The following DMD variants were observed in gnomAD, a reference collection of about 807,000 sequenced individuals.
The protein encoded by DMD is dystrophin.
Under a neutral mutation model 330.1 loss-of-function variants are expected in DMD, and 63 were observed. The observed-to-expected ratio is 0.19, with a 90% CI of 0.16 to 0.24. The LOEUF (loss-of-function observed/expected upper bound fraction) is 0.24. Among genes scored for constraint, DMD ranks in the 10% least tolerant of loss-of-function variants. The pLI is 1.00. For synonymous variants in DMD, 1,223 were observed against 959.8 expected, an observed-to-expected ratio of 1.27 and a Z score of -5.07; for missense variants, 3,344 against 2,684.1, an observed-to-expected ratio of 1.25 and a Z score of -5.43.
At chrX:32,190,275 A>G (rs772787740) in intron 44 of DMD, among the ~76,000 whole-genome samples, 1 of 110,080 alleles carries the variant, frequency 9.1e-6, no homozygotes, top group South Asian at 3.9e-4. Flanking sequence ...ACGTTTACAC[A>G]TGCAACTAAT....
intron 1 of DMD, among the ~76,000 whole-genome samples, chrX:33,144,979 T>C (rs2047957592): frequency 8.9e-6 from 1 of 112,035 alleles, no homozygotes; most frequent in Non-Finnish European, 1.9e-5. Flanking sequence ...CTTACCAAGT[T>C]GAAATACGTT....
chrX:32,564,603 TTGTG>T (rs1292904109), intron 16 of DMD, among the ~76,000 whole-genome samples: 1 of 112,233 alleles, frequency 8.9e-6, no homozygotes, highest in Non-Finnish European at 1.9e-5. Flanking sequence ...TATGTAATGA[TTGTG>T]TGGGAAATTA....
At chrX:33,323,232 C>T (rs1348632452) in intron 1 of DMD, among the ~76,000 whole-genome samples, 2 of 111,796 alleles carry the variant, frequency 1.8e-5, no homozygotes, top group African/African-American at 3.2e-5. Flanking sequence ...ACATCTAATA[C>T]TGGTTGGATG....
intron 2 of DMD, among the ~76,000 whole-genome samples, chrX:32,952,643 C>T (rs1362628527): frequency 8.9e-6 from 1 of 111,938 alleles, no homozygotes; most frequent in Non-Finnish European, 1.9e-5. Flanking sequence ...CCCAAATTTA[C>T]AAGTTAAGAG....
At chrX:32,829,559 CTT>C (rs767162378) in intron 4 of DMD, among the ~76,000 whole-genome samples, 64 of 111,794 alleles carry the variant, frequency 5.7e-4, no homozygotes, top group African/African-American at 2.0e-3. Context: ...CAAGAGCTCA[CTT>C]TTGAATGGAT....
intron 38 of DMD, among the ~76,000 whole-genome samples, chrX:32,347,878 T>A (rs2097769252): frequency 8.9e-6 from 1 of 111,945 alleles, no homozygotes; most frequent in South Asian, 3.7e-4. Flanking sequence ...GTCATATTTC[T>A]TTACTCCCAT....
chrX:32,860,401 G>A (rs1470306954), intron 2 of DMD, among the ~76,000 whole-genome samples: 3 of 111,761 alleles, frequency 2.7e-5, no homozygotes, highest in Non-Finnish European at 3.8e-5. Context: ...CTGTCGCTAA[G>A]AAAGTCAAGA....
At chrX:32,568,532 G>T (rs1206625585) in intron 15 of DMD, among the ~76,000 whole-genome samples, 3 of 109,794 alleles carry the variant, frequency 2.7e-5, no homozygotes, top group Non-Finnish European at 3.8e-5. Context: ...ATCCAATTAG[G>T]AAAAAAGTGC....
chrX:31,332,853 A>G (rs2057207456), intron 61 of DMD, among the ~76,000 whole-genome samples: 1 of 111,946 alleles, frequency 8.9e-6, no homozygotes, highest in Non-Finnish European at 1.9e-5. Context: ...AATTATTTTC[A>G]TCATTAATGT....
chrX:32,780,463 A>C (rs1224765282), intron 7 of DMD, among the ~76,000 whole-genome samples: 3 of 112,248 alleles, frequency 2.7e-5, no homozygotes, highest in Non-Finnish European at 3.8e-5. Context: ...CTTGTATATC[A>C]AACCACAGGT....
Position 32,464,760 on chromosome X carries a change from C to T in DMD, c.3163-61G>A, listed in dbSNP as rs755300675. ...GCTGATTACTTTTAACACAATTCAT[C>T]ATTGTGTTATGTCTAAACACAGGCC... On this transcript the variant is annotated intron_variant, in intron 23 of 78. Transcript: ENST00000357033. 5.1e-5 allele frequency: 42 copies of T among 816,333 alleles called. No homozygotes were observed. In the Admixed American group the frequency reaches 5.8e-4, roughly 11 times the overall value. The allele number at this position is 816,333 out of a possible 1,213,427, so 67.3% of individuals were successfully genotyped here. A position where few individuals can be genotyped will look rare whatever the true frequency, so the allele number is the denominator to read the frequency against.
chrX:32,304,876 G>A (rs943742637), intron 42 of DMD, among the ~76,000 whole-genome samples: 15 of 111,001 alleles, frequency 1.4e-4, no homozygotes, highest in African/African-American at 3.9e-4. Context: ...TCTTTTCCAC[G>A]CATTAAACTG....
At chrX:32,321,416 A>G (rs1190148665) in intron 41 of DMD, among the ~76,000 whole-genome samples, 2 of 111,042 alleles carry the variant, frequency 1.8e-5, no homozygotes, top group East Asian at 2.9e-4. Context: ...GATGGATCTG[A>G]TGGTTTTCAA....
intron 17 of DMD, among the ~76,000 whole-genome samples, chrX:32,526,582 C>A (rs1330352213): frequency 9.0e-6 from 1 of 111,563 alleles, no homozygotes; most frequent in Non-Finnish European, 1.9e-5. Flanking sequence ...TACAAACAGA[C>A]TCAGCCTCAT....
At chrX:32,942,112 A>AGTGTGTGCGTGTGTGTTTGT (rs60820174) in intron 2 of DMD, among the ~76,000 whole-genome samples, 1 of 110,070 alleles carries the variant, frequency 9.1e-6, no homozygotes, top group Non-Finnish European at 1.9e-5. Context: ...TTGAGAAGGG[A>AGTGTGTGCGTGTGTGTTTGT]GTGTGTGCGT....
intron 2 of DMD, among the ~76,000 whole-genome samples, chrX:32,879,680 T>C (rs2083718198): frequency 9.4e-6 from 1 of 106,293 alleles, no homozygotes. Flanking sequence ...GGTAGGTTAA[T>C]GCCTGATGTT....
Position 31,207,581 on chromosome X carries a change from G to A in DMD, c.9564-914C>T, listed in dbSNP as rs958989293. ...GAATGAGATCATGTCTTTTGAACAC[G>A]GATTAGCTGGAGACTATTATCCTTA... is the stretch of plus-strand genomic sequence containing the variant. On this transcript the variant is annotated intron_variant, in intron 65 of 78. Coordinates refer to ENST00000357033, the MANE Select transcript of DMD (RefSeq NM_004006.3). Among the ~76,000 whole-genome samples, 26 of 111,715 alleles carry A rather than the reference G, an allele frequency of 2.3e-4. 1 individual carries two copies. The highest frequency in any genetic ancestry group is 8.5e-4 in the Admixed American group (9 of 10,533).
chrX:31,366,201 T>C (rs138547137), intron 60 of DMD, among the ~76,000 whole-genome samples: 2,839 of 110,666 alleles, frequency 0.026, 47 homozygotes, highest in Middle Eastern at 0.051. Flanking sequence ...GACGAAATCA[T>C]GGGCTTCTTG....
chrX:32,491,623 G>A, intron 19 of DMD, 105 bp from the exon 20 acceptor site: 1 of 765,590 alleles, frequency 1.3e-6, no homozygotes, highest in South Asian at 2.5e-5. Flanking sequence ...CCACATGAAT[G>A]ATTTCAAACC....
Sources: allele counts gnomAD v4.1 joint callset (sites outside exome capture counted in the v4.1 genomes callset), GRCh38; gene constraint gnomAD v4.1.1; transcripts MANE v1.5; gene names NCBI Gene and HGNC (gene_info 2026-07-23, HGNC 2026-07-21).